ZNF674: variants seen among roughly 807,000 people sequenced by gnomAD.
ZNF674 encodes zinc finger protein 674.
A neutral mutation model predicts 7.0 loss-of-function variants in ZNF674; 2 were observed. The ratio of observed to expected loss-of-function variants is 0.29; its 90% CI spans 0.12 to 0.90. The LOEUF (loss-of-function observed/expected upper bound fraction) is 0.90, where lower values mean the gene tolerates loss of function less well. ZNF674 is among the 40% of genes least tolerant of loss of function. The probability of loss-of-function intolerance (pLI) is 0.57; values close to 1 mark genes in which losing one functional copy is unlikely to be tolerated. For synonymous variants in ZNF674, 103 were observed against 145.2 expected (o/e 0.71, Z 2.09); for missense variants, 297 against 415.5 (o/e 0.71, Z 2.48).
At chrX:46,544,190 G>C (rs1027609256) in intron 2 of ZNF674, among the ~76,000 whole-genome samples, 1 of 112,867 alleles carries the variant, frequency 8.9e-6, no homozygotes, top group African/African-American at 3.2e-5. Context: ...CCTCCAGCAG[G>C]AATCAAACTG....
intron 3 of ZNF674, among the ~76,000 whole-genome samples, chrX:46,541,596 T>G (rs1602094253): frequency 9.0e-6 from 1 of 111,626 alleles, no homozygotes; most frequent in East Asian, 2.8e-4. Context: ...TTCATTAAAC[T>G]GACATAAATG....
At chrX:46,501,630 T>TCA (rs1556008863) in intron 5 of ZNF674, among the ~76,000 whole-genome samples, 1 of 105,332 alleles carries the variant, frequency 9.5e-6, no homozygotes, top group Admixed American at 1.1e-4. Flanking sequence ...GGCTTAAAGC[T>TCA]TATATATATA....
intron 3 of ZNF674, among the ~76,000 whole-genome samples, chrX:46,541,090 G>A (rs1392733541): frequency 3.3e-5 from 3 of 91,339 alleles, no homozygotes; most frequent in African/African-American, 1.2e-4. Context: ...GGCCAGGCAC[G>A]GTGGCTCACA....
At chrX:46,518,028 A>G (rs1450492369) in intron 5 of ZNF674, among the ~76,000 whole-genome samples, 2 of 111,239 alleles carry the variant, frequency 1.8e-5, no homozygotes, top group Non-Finnish European at 3.8e-5. Flanking sequence ...AAAGAAGACG[A>G]AATGTAAAAA....
chrX:46,529,249 C>T (rs977600590), intron 3 of ZNF674: 3 of 246,404 alleles, frequency 1.2e-5, no homozygotes, highest in Non-Finnish European at 2.2e-5. Context: ...TGACTAAAAT[C>T]ATTTTGAACT....
rs143489953 is a variant in ZNF674, at chrX:46,532,183, C to T, written c.16-3274G>A. ...AACTCCGTCTCAAAAAAACAAAAAA[C>T]AAAACAAAACAAAGTATGTATGTGA... On this transcript the variant is annotated intron_variant, in intron 3 of 5. Transcript: ENST00000683375. Among the ~76,000 whole-genome samples, 6 of 111,649 alleles carry T rather than the reference C, an allele frequency of 5.4e-5. No homozygotes were observed. The East Asian group carries it at 1.7e-3, about 31-fold the overall frequency.
At chrX:46,534,794 G>A (rs1443592217) in intron 3 of ZNF674, among the ~76,000 whole-genome samples, 1 of 109,572 alleles carries the variant, frequency 9.1e-6, no homozygotes, top group Non-Finnish European at 1.9e-5. Context: ...AGGCTGGAGT[G>A]CAGTGTTGTG....
At chrX:46,530,015 G>A (rs1942082389) in intron 3 of ZNF674, among the ~76,000 whole-genome samples, 1 of 112,196 alleles carries the variant, frequency 8.9e-6, no homozygotes, top group Admixed American at 9.5e-5. Context: ...AGCAAAAGGG[G>A]AAAGGTCTGT....
In ZNF674 at chrX:46,508,531, T is replaced by C. The variant is rs191171128; in HGVS notation, c.239-7196A>G. On this transcript the variant is annotated intron_variant, in intron 5 of 5. Transcript: ENST00000683375. The stretch of plus-strand genomic sequence containing the variant: ...CATTGGTAGCTTGATGGGGATGGCA[T>C]TGAATCTATAAATTACCTTGGGCAG... Among the ~76,000 whole-genome samples, 18 of 111,720 alleles carry C rather than the reference T, an allele frequency of 1.6e-4. No individual in the cohort carries two copies. In the East Asian group the frequency reaches 3.9e-3, roughly 24 times the overall value.
intron 5 of ZNF674, among the ~76,000 whole-genome samples, chrX:46,521,600 C>T (rs902026337): frequency 2.0e-5 from 2 of 102,468 alleles, no homozygotes; most frequent in African/African-American, 3.6e-5. Context: ...ATGGGCCGGG[C>T]GCAGTGGTTC....
intron 3 of ZNF674, among the ~76,000 whole-genome samples, chrX:46,536,605 A>C (rs1019549046): frequency 1.4e-4 from 15 of 106,967 alleles, no homozygotes; most frequent in Non-Finnish European, 2.9e-4. Flanking sequence ...AAAAAAAAAA[A>C]AGTTAGACGG....
chrX:46,541,323 TGCACTCTA>T (rs1209293347), intron 3 of ZNF674, among the ~76,000 whole-genome samples: 4 of 101,209 alleles, frequency 4.0e-5, no homozygotes, highest in Admixed American at 1.1e-4. Flanking sequence ...ATCGCACCAT[TGCACTCTA>T]GCCTGGGCAA....
At position 46,531,942 on chromosome X, in the gene ZNF674, G is replaced by A. The variant is rs2049966; in HGVS notation, c.16-3033C>T. 6.9e-4 allele frequency among the ~76,000 whole-genome samples: 77 copies of A among 112,068 alleles called. No individual in the cohort carries two copies. The East Asian group carries it at 8.4e-3, about 12-fold the overall frequency. ...AGCACTTTGGGAAGCCGAGGCAGGC[G>A]AATCACGAGGTCAGGAGTTCGAGAC... On this transcript the variant is annotated intron_variant, in intron 3 of 5. Coordinates refer to ENST00000683375, the MANE Select transcript of ZNF674 (RefSeq NM_001190417.2).
At chrX:46,526,651 G>A (rs1403924621) in intron 5 of ZNF674, among the ~76,000 whole-genome samples, 1 of 111,097 alleles carries the variant, frequency 9.0e-6, no homozygotes, top group African/African-American at 3.3e-5. Context: ...TTTCAAAACT[G>A]CTGCTGGAAA....
chrX:46,531,263 C>T (rs1425233584), intron 3 of ZNF674, among the ~76,000 whole-genome samples: 1 of 111,830 alleles, frequency 8.9e-6, no homozygotes, highest in African/African-American at 3.3e-5. Flanking sequence ...TCTGTATCTT[C>T]TGTAATATCC....
intron 5 of ZNF674, among the ~76,000 whole-genome samples, chrX:46,507,043 A>T (rs1941553517): frequency 9.0e-6 from 1 of 111,646 alleles, no homozygotes. Flanking sequence ...TGGAGAAAGA[A>T]ACAAATGAAA....
At chrX:46,502,705 G>A (rs918172509) in intron 5 of ZNF674, among the ~76,000 whole-genome samples, 2 of 112,011 alleles carry the variant, frequency 1.8e-5, no homozygotes, top group African/African-American at 6.5e-5. Context: ...GAGTTAGAGT[G>A]TGCTCTGTGT....
intron 5 of ZNF674, among the ~76,000 whole-genome samples, chrX:46,517,311 A>G (rs188298025): frequency 1.9e-3 from 212 of 109,843 alleles, no homozygotes; most frequent in African/African-American, 6.6e-3. Context: ...AAATGATTGG[A>G]AAAAAAAACA....
Position 46,501,227 on chromosome X carries a change from T to C in ZNF674, c.347A>G (p.Gln116Arg). The C allele has an allele frequency of 8.3e-7, 1 of 1,211,476 alleles. No homozygotes were observed. The highest frequency in any genetic ancestry group is 1.1e-6 in the Non-Finnish European group (1 of 895,174). Residue 116 changes from glutamine to arginine, a missense_variant, in exon 6 of 6, where the codon CAA becomes CGA. By Grantham distance (43) the Gln-to-Arg change is conservative. Transcript: ENST00000683375. ...GKETLKDESG[Q>R]ECKICRKIIY... is the part of the protein sequence containing the mutation. The stretch of plus-strand genomic sequence containing the variant: ...GATTTTTCTACATATTTTACATTCT[T>C]GACCACTTTCATCCTTCAGTGTTTC...
Sources: allele counts gnomAD v4.1 joint callset (sites outside exome capture counted in the v4.1 genomes callset), GRCh38; gene constraint gnomAD v4.1.1; transcripts MANE v1.5; gene names NCBI Gene and HGNC (gene_info 2026-07-23, HGNC 2026-07-21).